NFIA: variants seen among roughly 807,000 people sequenced by gnomAD.
NFIA encodes nuclear factor I A.
NFIA carries 8 observed loss-of-function variants against 62.8 expected under a neutral mutation model. The ratio of observed to expected loss-of-function variants is 0.13; its 90% CI spans 0.07 to 0.23. The LOEUF (loss-of-function observed/expected upper bound fraction) is 0.23, where lower values mean the gene tolerates loss of function less well. Ranked by LOEUF, NFIA falls within the 10% of genes least tolerant of loss-of-function variation. The pLI is 1.00. For synonymous variants in NFIA, 235 were observed against 238.1 expected (o/e 0.99, Z 0.12); for missense variants, 410 against 642.1 (o/e 0.64, Z 3.91).
At chr1:61,272,780 C>T (rs1657590455) in intron 2 of NFIA, among the ~76,000 whole-genome samples, 1 of 152,108 alleles carries the variant, frequency 6.6e-6, no homozygotes, top group Admixed American at 6.5e-5. Context: ...TCACTCCTGT[C>T]TTTGCCTTTT....
At chr1:61,420,384 T>TA (rs1254067387) in intron 9 of NFIA, among the ~76,000 whole-genome samples, 1 of 152,186 alleles carries the variant, frequency 6.6e-6, no homozygotes, top group African/African-American at 2.4e-5. Context: ...ACCTTTTTTT[T>TA]TTTTAAATAG....
In NFIA at chr1:61,082,699, C is replaced by A; in HGVS notation, c.-93C>A. 1 of 1,517,376 alleles carries A rather than the reference C, an allele frequency of 6.6e-7. No individual in the cohort carries two copies. The highest frequency in any genetic ancestry group is 8.9e-7 in the Non-Finnish European group (1 of 1,125,162). The allele number at this position is 1,517,376 out of a possible 1,614,324, so 94.0% of individuals were successfully genotyped here. On this transcript the variant is annotated 5_prime_UTR_variant, in exon 1 of 11. Coordinates refer to ENST00000403491, the MANE Select transcript of NFIA (RefSeq NM_001134673.4). ...CTCTCTCTCTCTCTCTCTCTCTCTT[C>A]CTCTCTCCCTCTTTCTCCTCTCTCA...
Position 61,456,814 on chromosome 1 carries a change from A to G in NFIA, c.*1494A>G, listed in dbSNP as rs944312036. The G allele has an allele frequency of 7.1e-5, 10 of 140,280 alleles. No individual in the cohort carries two copies. In the South Asian group the frequency reaches 2.1e-3, roughly 29 times the overall value. The allele number at this position is 140,280 out of a possible 1,614,324, so 8.7% of individuals were successfully genotyped here. ...TCTTATGAAAAAAAAAACAAAAAACAAAAACAAAAAAAAAACACAAAAAAC... is the reference window on the plus strand; with the variant it reads ...TCTTATGAAAAAAAAAACAAAAAACGAAAACAAAAAAAAAACACAAAAAAC... On this transcript the variant is annotated 3_prime_UTR_variant, in exon 11 of 11. Coordinates refer to ENST00000403491, the MANE Select transcript of NFIA (RefSeq NM_001134673.4).
At chr1:61,092,624 T>A (rs1362135049) in intron 2 of NFIA, among the ~76,000 whole-genome samples, 1 of 152,234 alleles carries the variant, frequency 6.6e-6, no homozygotes, top group Non-Finnish European at 1.5e-5. Flanking sequence ...ACATGAATGC[T>A]CATTTCAAAT....
intron 2 of NFIA, among the ~76,000 whole-genome samples, chr1:61,196,936 TGTGTGCGC>T (rs1652053254): frequency 9.5e-6 from 1 of 105,786 alleles, no homozygotes; most frequent in African/African-American, 4.7e-5. Flanking sequence ...TGTGTGTGTG[TGTGTGCGC>T]GCGCGCGCTG....
intron 2 of NFIA, among the ~76,000 whole-genome samples, chr1:61,199,980 G>T (rs1652307887): frequency 7.2e-6 from 1 of 139,842 alleles, no homozygotes; most frequent in Non-Finnish European, 1.5e-5. Context: ...GCACGACAGA[G>T]CGAGACTCCA....
chr1:61,404,398 A>G, intron 8 of NFIA, 116 bp downstream of exon 8: 1 of 1,035,454 alleles, frequency 9.7e-7, no homozygotes, highest in Non-Finnish European at 1.4e-6. Flanking sequence ...GACTGACTGC[A>G]GGCAAATGTC....
chr1:61,454,549 G>C (rs1668217593), intron 10 of NFIA, among the ~76,000 whole-genome samples: 1 of 152,180 alleles, frequency 6.6e-6, no homozygotes, highest in African/African-American at 2.4e-5. Flanking sequence ...GGACAATGTG[G>C]TACTTAATAG....
At chr1:61,453,552 C>CTGCT (rs1668165998) in intron 10 of NFIA, among the ~76,000 whole-genome samples, 1 of 140,468 alleles carries the variant, frequency 7.1e-6, no homozygotes, top group Non-Finnish European at 1.5e-5. Flanking sequence ...GTGTGGAGAA[C>CTGCT]TGCTCCCCCT....
chr1:61,185,122 C>T (rs575086675), intron 2 of NFIA, among the ~76,000 whole-genome samples: 10 of 152,250 alleles, frequency 6.6e-5, no homozygotes, highest in African/African-American at 2.2e-4. Flanking sequence ...ACTTTTTAAA[C>T]TTACATGCTT....
At chr1:61,128,920 T>G (rs928417374) in intron 2 of NFIA, among the ~76,000 whole-genome samples, 34 of 124,778 alleles carry the variant, frequency 2.7e-4, no homozygotes, top group African/African-American at 9.1e-4. Context: ...CTTATGTTTT[T>G]TTTTTTTTTT....
intron 2 of NFIA, among the ~76,000 whole-genome samples, chr1:61,192,973 T>C (rs1651747490): frequency 6.6e-6 from 1 of 152,232 alleles, no homozygotes; most frequent in Non-Finnish European, 1.5e-5. Flanking sequence ...GCTTAGATTT[T>C]AAAATTTAAA....
intron 2 of NFIA, among the ~76,000 whole-genome samples, chr1:61,097,530 GATA>G (rs1646436995): frequency 6.6e-6 from 1 of 152,158 alleles, no homozygotes; most frequent in East Asian, 1.9e-4. Context: ...TGTTGGGGAA[GATA>G]TATCTGTGGT....
intron 3 of NFIA, among the ~76,000 whole-genome samples, chr1:61,280,273 C>T (rs1428763399): frequency 6.6e-6 from 1 of 152,162 alleles, no homozygotes; most frequent in African/African-American, 2.4e-5. Context: ...TCCTCTTTTT[C>T]ATTACCTCAG....
At chr1:61,342,641 C>T (rs1661987447) in intron 4 of NFIA, among the ~76,000 whole-genome samples, 3 of 152,186 alleles carry the variant, frequency 2.0e-5, no homozygotes, top group Admixed American at 6.5e-5. Context: ...TTAAGACCTG[C>T]AAAAGCAGAG....
At chr1:61,144,157 A>G (rs926227612) in intron 2 of NFIA, among the ~76,000 whole-genome samples, 1 of 152,200 alleles carries the variant, frequency 6.6e-6, no homozygotes, top group African/African-American at 2.4e-5. Context: ...GTGGTTCTCA[A>G]AAGTGTAGTT....
At chr1:61,197,557 T>A (rs1652117554) in intron 2 of NFIA, among the ~76,000 whole-genome samples, 1 of 151,770 alleles carries the variant, frequency 6.6e-6, no homozygotes, top group Non-Finnish European at 1.5e-5. Flanking sequence ...TTCTTAATAG[T>A]GAAAGATTTA....
In NFIA at chr1:61,399,529, A is replaced by C. The variant is rs1665448285; in HGVS notation, c.1076-4575A>C. Among the ~76,000 whole-genome samples, 3 of 152,234 alleles carry C rather than the reference A, an allele frequency of 2.0e-5. No homozygotes were observed. The South Asian group carries it at 6.2e-4, about 31-fold the overall frequency. On this transcript the variant is annotated intron_variant, in intron 7 of 10. Coordinates refer to ENST00000403491, the MANE Select transcript of NFIA (RefSeq NM_001134673.4). The stretch of plus-strand genomic sequence containing the variant: ...GGAATAAAACAATTAAGGCAATGTC[A>C]GGGTTATAATACAGAAGAACATATT...
Position 61,162,608 on chromosome 1 carries a change from A to G in NFIA, c.559+73928A>G, listed in dbSNP as rs988202036. Among the ~76,000 whole-genome samples the G allele has an allele frequency of 2.0e-5, 3 of 152,200 alleles. No homozygotes were observed. In the South Asian group the frequency reaches 6.2e-4, roughly 32 times the overall value. On this transcript the variant is annotated intron_variant, in intron 2 of 10. Coordinates refer to ENST00000403491, the MANE Select transcript of NFIA (RefSeq NM_001134673.4). ...ATCCGTATTCTTAGTTTCTATCATG[A>G]TAGATTATGCTGGGAACTTGTTCCT...
Sources: allele counts gnomAD v4.1 joint callset (sites outside exome capture counted in the v4.1 genomes callset), GRCh38; gene constraint gnomAD v4.1.1; transcripts MANE v1.5; gene names NCBI Gene and HGNC (gene_info 2026-07-23, HGNC 2026-07-21).